The following TRPS1 variants were observed in gnomAD, a reference collection of about 807,000 sequenced individuals.
The protein encoded by TRPS1 is transcriptional repressor GATA binding 1, also known as zinc finger transcription factor Trps1.
A neutral mutation model predicts 101.2 loss-of-function variants in TRPS1; 6 were observed. The observed-to-expected ratio is 0.06, with a 90% CI of 0.03 to 0.12. The LOEUF is 0.12. TRPS1 is among the 10% of genes least tolerant of loss of function. The pLI, the probability that TRPS1 is intolerant of heterozygous loss-of-function variation, is 1.00. For synonymous variants in TRPS1, 578 were observed against 589.8 expected, an observed-to-expected ratio of 0.98 and a Z score of 0.29; for missense variants, 1,363 against 1,567.0, an observed-to-expected ratio of 0.87 and a Z score of 2.20.
intron 1 of TRPS1, among the ~76,000 whole-genome samples, chr8:115,635,629 G>A (rs1818750739): frequency 6.6e-6 from 1 of 152,180 alleles, no homozygotes; most frequent in African/African-American, 2.4e-5. Flanking sequence ...TAACAACAAG[G>A]GGTTCTGGGG....
At chr8:115,441,894 A>T (rs200724931) in intron 5 of TRPS1, among the ~76,000 whole-genome samples, 4,455 of 131,772 alleles carry the variant, frequency 0.034, 67 homozygotes, top group Middle Eastern at 0.074. Context: ...AGAGAGAGAG[A>T]GAGAGTGTGT....
intron 5 of TRPS1, among the ~76,000 whole-genome samples, chr8:115,572,388 T>C (rs1817224371): frequency 1.3e-5 from 2 of 152,212 alleles, no homozygotes; most frequent in African/African-American, 4.8e-5. Flanking sequence ...TCTGGAACAC[T>C]GTCTTGATAG....
chr8:115,452,026 T>G (rs1037937627), intron 5 of TRPS1, among the ~76,000 whole-genome samples: 5 of 152,126 alleles, frequency 3.3e-5, no homozygotes, highest in African/African-American at 1.2e-4. Flanking sequence ...AAAAATGTGT[T>G]TTCCCCTTCT....
intron 1 of TRPS1, among the ~76,000 whole-genome samples, chr8:115,636,557 G>A (rs1369168733): frequency 6.6e-6 from 1 of 152,168 alleles, no homozygotes; most frequent in African/African-American, 2.4e-5. Flanking sequence ...TAATAATACA[G>A]GAGGAGACAT....
intron 5 of TRPS1, among the ~76,000 whole-genome samples, chr8:115,494,257 C>A (rs1292584177): frequency 6.6e-6 from 1 of 152,208 alleles, no homozygotes; most frequent in African/African-American, 2.4e-5. Context: ...TACACACATT[C>A]CAGGGCAGCG....
intron 5 of TRPS1, among the ~76,000 whole-genome samples, chr8:115,466,806 T>C (rs967002313): frequency 6.6e-6 from 1 of 152,120 alleles, no homozygotes; most frequent in African/African-American, 2.4e-5. Context: ...AAACTTTAAC[T>C]CCTCAACTTT....
At chr8:115,453,753 C>G (rs1173446273) in intron 5 of TRPS1, among the ~76,000 whole-genome samples, 3 of 152,078 alleles carry the variant, frequency 2.0e-5, no homozygotes, top group Admixed American at 2.0e-4. Context: ...TCTAAAGTAC[C>G]CAAACTGTAA....
At chr8:115,538,183 G>A (rs1366038851) in intron 5 of TRPS1, among the ~76,000 whole-genome samples, 1 of 152,110 alleles carries the variant, frequency 6.6e-6, no homozygotes, top group African/African-American at 2.4e-5. Flanking sequence ...AAGGATAGAC[G>A]GATTAGTGAT....
chr8:115,570,715 A>T (rs1386859905), intron 5 of TRPS1, among the ~76,000 whole-genome samples: 1 of 148,850 alleles, frequency 6.7e-6, no homozygotes, highest in African/African-American at 2.6e-5. Flanking sequence ...ACACACACAC[A>T]CACACTCACA....
At chr8:115,599,638 C>T (rs1003691599) in intron 4 of TRPS1, among the ~76,000 whole-genome samples, 7 of 152,054 alleles carry the variant, frequency 4.6e-5, no homozygotes, top group African/African-American at 7.2e-5. Context: ...TGATGGTTTC[C>T]GGCTCCATCC....
chr8:115,583,629 C>T (rs897961159), intron 5 of TRPS1, among the ~76,000 whole-genome samples: 20 of 151,774 alleles, frequency 1.3e-4, no homozygotes, highest in Admixed American at 8.5e-4. Flanking sequence ...AGAAAATACT[C>T]AAAAATTTTG....
chr8:115,523,087 T>A (rs898731587), intron 5 of TRPS1, among the ~76,000 whole-genome samples: 12 of 152,118 alleles, frequency 7.9e-5, no homozygotes, highest in Admixed American at 7.9e-4. Context: ...TTTCCAAGAT[T>A]AGATCCTGAG....
chr8:115,473,276 GT>G (rs1814518295), intron 5 of TRPS1, among the ~76,000 whole-genome samples: 1 of 152,212 alleles, frequency 6.6e-6, no homozygotes, highest in South Asian at 2.1e-4. Context: ...AAGAAAACAT[GT>G]TCTTCTTCCC....
chr8:115,485,385 G>A (rs764690112), intron 5 of TRPS1, among the ~76,000 whole-genome samples: 10 of 152,186 alleles, frequency 6.6e-5, no homozygotes, highest in African/African-American at 9.6e-5. Flanking sequence ...CAATTTCAGC[G>A]TAGTGAGACC....
chr8:115,480,622 C>T (rs566517028), intron 5 of TRPS1, among the ~76,000 whole-genome samples: 2 of 152,086 alleles, frequency 1.3e-5, no homozygotes, highest in African/African-American at 4.8e-5. Flanking sequence ...AATGTGTAAC[C>T]TCTCGAAAAA....
chr8:115,561,947 T>G (rs921768798), intron 5 of TRPS1, among the ~76,000 whole-genome samples: 9 of 152,080 alleles, frequency 5.9e-5, no homozygotes, highest in Admixed American at 5.9e-4. Flanking sequence ...CAGATCATGA[T>G]CGACAAATCC....
intron 5 of TRPS1, among the ~76,000 whole-genome samples, chr8:115,522,778 C>G (rs1239470437): frequency 5.9e-5 from 9 of 152,100 alleles, no homozygotes; most frequent in Admixed American, 5.9e-4. Context: ...ACAGCATTTA[C>G]TCTGTTCTCA....
At chr8:115,482,821 G>T (rs1814787471) in intron 5 of TRPS1, among the ~76,000 whole-genome samples, 1 of 152,154 alleles carries the variant, frequency 6.6e-6, no homozygotes. Context: ...GGGCATTTTA[G>T]ATAAAAGAAC....
Position 115,459,857 on chromosome 8 carries a change from C to CT in TRPS1, c.2701-41406dup, listed in dbSNP as rs542196117. Among the ~76,000 whole-genome samples the CT allele has an allele frequency of 5.0e-3, 761 of 152,216 alleles. 2 individuals are homozygous for CT. Among genetic ancestry groups the CT allele is most frequent in the Non-Finnish European group, 8.2e-3 (561 of 68,008 alleles). On this transcript the variant is annotated intron_variant, in intron 5 of 6. Coordinates refer to ENST00000395715, the MANE Select transcript of TRPS1 (RefSeq NM_014112.5). The stretch of plus-strand genomic sequence containing the variant: ...GAGTTATACAAATGGATATCTAAGT[C>CT]TTTTTTGTAGACCAGTGGAGTAAAG...
Sources: gnomAD v4.1 joint callset for allele counts (sites outside exome capture counted in the v4.1 genomes callset) on GRCh38, gnomAD v4.1.1 for gene constraint, MANE v1.5 for transcripts, NCBI Gene and HGNC (gene_info 2026-07-23, HGNC 2026-07-21) for gene names.